The following CFAP299 variants were observed in gnomAD, a reference collection of about 807,000 sequenced individuals.
CFAP299 encodes the protein cilia- and flagella-associated protein 299.
A neutral mutation model predicts 27.0 loss-of-function variants in CFAP299; 21 were observed. That is an observed-to-expected ratio of 0.78 (90% CI 0.55 to 1.12). The LOEUF (loss-of-function observed/expected upper bound fraction) is 1.12, where lower values mean the gene tolerates loss of function less well. Ranked by LOEUF, CFAP299 falls within the 50% of genes most tolerant of loss-of-function variation. CFAP299 has a pLI of 0.00. For synonymous variants in CFAP299, 104 were observed against 98.1 expected, an observed-to-expected ratio of 1.06 and a Z score of -0.36; for missense variants, 310 against 276.6, an observed-to-expected ratio of 1.12 and a Z score of -0.86.
At chr4:80,886,531 A>AG (rs1733980048) in intron 4 of CFAP299, among the ~76,000 whole-genome samples, 1 of 152,220 alleles carries the variant, frequency 6.6e-6, no homozygotes, top group South Asian at 2.1e-4. Context: ...TACCTGTTTG[A>AG]GCCTGTAAAA....
intron 5 of CFAP299, among the ~76,000 whole-genome samples, chr4:80,947,691 A>T (rs1737546915): frequency 1.3e-5 from 2 of 152,184 alleles, no homozygotes; most frequent in Non-Finnish European, 2.9e-5. Flanking sequence ...ATAAAAAGTC[A>T]ATAGTCTAAA....
intron 4 of CFAP299, chr4:80,871,567 A>C (rs1733099757): frequency 1.0e-6 from 1 of 985,324 alleles, no homozygotes; most frequent in African/African-American, 1.7e-5. Flanking sequence ...GTCTTGGCAA[A>C]TGGCATCACC....
At chr4:80,333,665 C>CTGGCATATATTTTGTT (rs1162594945), upstream of CFAP299, among the ~76,000 whole-genome samples, 1 of 152,142 alleles carries the variant, frequency 6.6e-6, no homozygotes. Context: ...TCTTACATAA[C>CTGGCATATATTTTGTT]ATATGTTTCC....
intron 3 of CFAP299, among the ~76,000 whole-genome samples, chr4:80,801,704 G>C (rs935715495): frequency 6.6e-6 from 1 of 151,988 alleles, no homozygotes; most frequent in Non-Finnish European, 1.5e-5. Flanking sequence ...GTACAGTTAA[G>C]GGCATCAATT....
intron 3 of CFAP299, among the ~76,000 whole-genome samples, chr4:80,816,793 T>C (rs1475575911): frequency 6.6e-6 from 1 of 152,028 alleles, no homozygotes; most frequent in Non-Finnish European, 1.5e-5. Flanking sequence ...GAAGAAGAAT[T>C]GTCTTGGGCC....
chr4:80,858,447 T>C (rs150056141), intron 3 of CFAP299, among the ~76,000 whole-genome samples: 22,643 of 151,978 alleles, frequency 0.15, 2,038 homozygotes, highest in Middle Eastern at 0.28. Flanking sequence ...TTGCCTTCTG[T>C]TAGCTTTTGA....
At chr4:80,439,293 C>T (rs1318653448) in intron 2 of CFAP299, among the ~76,000 whole-genome samples, 3 of 152,176 alleles carry the variant, frequency 2.0e-5, no homozygotes, top group East Asian at 1.9e-4. Flanking sequence ...GTCTGCAGCT[C>T]CCAGGGAGAC....
intron 3 of CFAP299, among the ~76,000 whole-genome samples, chr4:80,620,352 C>G (rs1486301607): frequency 6.6e-6 from 1 of 152,042 alleles, no homozygotes; most frequent in Non-Finnish European, 1.5e-5. Context: ...GTGAATCACT[C>G]CAGAGAAGAA....
chr4:80,388,009 C>T (rs1490070667), intron 2 of CFAP299: 1 of 712,650 alleles, frequency 1.4e-6, no homozygotes, highest in Non-Finnish European at 2.5e-6. Context: ...GGTTTGGCAC[C>T]TCCAGGGGTG....
chr4:80,809,438 G>A (rs1729029065), intron 3 of CFAP299, among the ~76,000 whole-genome samples: 2 of 152,052 alleles, frequency 1.3e-5, no homozygotes, highest in African/African-American at 4.8e-5. Flanking sequence ...TTTTCTTAAT[G>A]GCTTAAAGAG....
intron 3 of CFAP299, among the ~76,000 whole-genome samples, chr4:80,744,201 T>G (rs1214686502): frequency 6.6e-6 from 1 of 152,188 alleles, no homozygotes; most frequent in Non-Finnish European, 1.5e-5. Flanking sequence ...ACTTGTCTCA[T>G]TTTCAAGAAA....
chr4:80,843,903 C>T (rs1244919531), intron 3 of CFAP299, among the ~76,000 whole-genome samples: 1 of 151,476 alleles, frequency 6.6e-6, no homozygotes, highest in Non-Finnish European at 1.5e-5. Flanking sequence ...TAATGTATCC[C>T]TCCCCACTCT....
chr4:80,763,954 G>A (rs1332742548), intron 3 of CFAP299, among the ~76,000 whole-genome samples: 1 of 151,914 alleles, frequency 6.6e-6, no homozygotes, highest in Non-Finnish European at 1.5e-5. Context: ...CAAAAATTAA[G>A]TGAAGATGGA....
intron 2 of CFAP299, among the ~76,000 whole-genome samples, chr4:80,559,100 T>A (rs1734918977): frequency 1.3e-5 from 2 of 152,184 alleles, no homozygotes; most frequent in South Asian, 4.1e-4. Context: ...CTGTTAGGGC[T>A]GGAATGTTCA....
rs551518506 is a variant in CFAP299, at chr4:80,828,538, A to G, written c.334-41455A>G. ...TTTGGATCATGAAACTGGTTCCCTCATGGCTTATTGCTGTCTTCATGATAG... is the reference window on the plus strand; with the variant it reads ...TTTGGATCATGAAACTGGTTCCCTCGTGGCTTATTGCTGTCTTCATGATAG... On this transcript the variant is annotated intron_variant, in intron 3 of 5. Transcript: ENST00000358105. Among the ~76,000 whole-genome samples, 25 of 152,108 alleles carry G rather than the reference A, an allele frequency of 1.6e-4. 1 individual carries two copies. Among genetic ancestry groups the G allele is most frequent in the East Asian group, 1.2e-3 (6 of 5,164 alleles).
chr4:80,694,946 A>T (rs1483521061), intron 3 of CFAP299, among the ~76,000 whole-genome samples: 5 of 152,208 alleles, frequency 3.3e-5, no homozygotes, highest in Non-Finnish European at 7.4e-5. Flanking sequence ...TTTTTGTTAG[A>T]TGCAGGAGCC....
chr4:80,516,755 A>G (rs1732610688), intron 2 of CFAP299, among the ~76,000 whole-genome samples: 1 of 152,168 alleles, frequency 6.6e-6, no homozygotes, highest in African/African-American at 2.4e-5. Context: ...ATTTCGTTAT[A>G]TCTGACCCTC....
At chr4:80,693,769 AAG>A (rs756286234) in intron 3 of CFAP299, among the ~76,000 whole-genome samples, 1 of 152,058 alleles carries the variant, frequency 6.6e-6, no homozygotes, top group Non-Finnish European at 1.5e-5. Flanking sequence ...TGGTCAGAGA[AAG>A]AGGGAATACC....
intron 3 of CFAP299, among the ~76,000 whole-genome samples, chr4:80,864,822 A>G (rs1359207134): frequency 6.6e-6 from 1 of 152,138 alleles, no homozygotes; most frequent in Admixed American, 6.6e-5. Context: ...AGTGCTTACC[A>G]TGTATCAGGC....
Sources: gnomAD v4.1 joint callset for allele counts (sites outside exome capture counted in the v4.1 genomes callset) on GRCh38, gnomAD v4.1.1 for gene constraint, MANE v1.5 for transcripts, NCBI Gene and HGNC (gene_info 2026-07-23, HGNC 2026-07-21) for gene names.